ZNF678: variants seen among roughly 807,000 people sequenced by gnomAD.
ZNF678 encodes the protein zinc finger protein 678, also known as hypothetical protein MGC42493.
In ZNF678, 5 loss-of-function variants were observed where a neutral mutation model predicts 3.0. The observed-to-expected ratio is 1.69, with a 90% CI of 0.88 to 3.56. The LOEUF (loss-of-function observed/expected upper bound fraction) is 3.56. Ranked by LOEUF, ZNF678 falls within the 30% of genes most tolerant of loss-of-function variation. The pLI, the probability that ZNF678 is intolerant of heterozygous loss-of-function variation, is 0.00. For missense variants in ZNF678, 593 were observed against 605.0 expected, an observed-to-expected ratio of 0.98 and a Z score of 0.21; for synonymous variants, 218 against 199.6, an observed-to-expected ratio of 1.09 and a Z score of -0.78.
rs1056557939 is a variant in ZNF678 at position 227,604,204 on chromosome 1, C to T, written c.-164+40480C>T. On this transcript the variant is annotated intron_variant, in intron 1 of 3. Coordinates refer to ENST00000343776, the MANE Select transcript of ZNF678 (RefSeq NM_001367909.1). The stretch of plus-strand genomic sequence containing the variant: ...TTTGGGCACATGAGTGAGAGTGGAG[C>T]TGATGCACCAATATGGTAATTCCAT... Among the ~76,000 whole-genome samples, 6 of 152,176 alleles carry T rather than the reference C, an allele frequency of 3.9e-5. No homozygotes were observed. The South Asian group carries it at 1.2e-3, about 32-fold the overall frequency.
chr1:227,632,653 A>G (rs759603901), intron 1 of ZNF678, among the ~76,000 whole-genome samples: 3 of 152,128 alleles, frequency 2.0e-5, no homozygotes, highest in Non-Finnish European at 4.4e-5. Context: ...CTGAGTCTTG[A>G]GTCTGGCAGC....
downstream of ZNF678, among the ~76,000 whole-genome samples, chr1:227,679,348 A>T (rs576033046): frequency 6.6e-6 from 1 of 152,326 alleles, no homozygotes; most frequent in Non-Finnish European, 1.5e-5. Context: ...ATCCACAGGC[A>T]GACAGCCCAG....
intron 1 of ZNF678, among the ~76,000 whole-genome samples, chr1:227,592,960 T>C (rs1193596110): frequency 6.6e-6 from 1 of 152,222 alleles, no homozygotes. Flanking sequence ...ATTCTTAAGC[T>C]CATCACATCC....
intron 1 of ZNF678, among the ~76,000 whole-genome samples, chr1:227,627,843 A>G (rs1658454016): frequency 6.6e-6 from 1 of 152,212 alleles, no homozygotes; most frequent in African/African-American, 2.4e-5. Context: ...AGGAACTTCC[A>G]TCAGTATACA....
intron 1 of ZNF678, among the ~76,000 whole-genome samples, chr1:227,588,685 T>A (rs1657328191): frequency 6.6e-6 from 1 of 151,942 alleles, no homozygotes. Flanking sequence ...TTCTATTTTT[T>A]AATAGAGGCA....
rs573874485 is a variant in ZNF678 at position 227,578,792 on chromosome 1, G to A, written c.-164+15068G>A. The stretch of plus-strand genomic sequence containing the variant: ...GAACCCTTCTTGGAGAGGTGACACA[G>A]CCGTTTGGAGGAAAGAAAGCACTCT... On this transcript the variant is annotated intron_variant, in intron 1 of 3. Coordinates refer to ENST00000343776, the MANE Select transcript of ZNF678 (RefSeq NM_001367909.1). 1.2e-4 allele frequency among the ~76,000 whole-genome samples: 18 copies of A among 152,298 alleles called. No individual in the cohort carries two copies. In the East Asian group the frequency reaches 3.3e-3, roughly 28 times the overall value.
downstream of ZNF678, among the ~76,000 whole-genome samples, chr1:227,667,368 A>G (rs940479944): frequency 6.6e-6 from 1 of 152,158 alleles, no homozygotes; most frequent in East Asian, 1.9e-4. Flanking sequence ...GGTCTACTCT[A>G]TATCTCAGTC....
At chr1:227,625,662 T>TA (rs1003913954) in intron 1 of ZNF678, among the ~76,000 whole-genome samples, 2 of 152,142 alleles carry the variant, frequency 1.3e-5, no homozygotes, top group African/African-American at 4.8e-5. Context: ...AGGGTGGTAT[T>TA]AAATAGGCTT....
intron 1 of ZNF678, among the ~76,000 whole-genome samples, chr1:227,602,466 A>G (rs551844826): frequency 6.6e-6 from 1 of 152,208 alleles, no homozygotes; most frequent in South Asian, 2.1e-4. Flanking sequence ...GTAGTGTTTC[A>G]TCAGAGATTT....
intron 1 of ZNF678, among the ~76,000 whole-genome samples, chr1:227,592,721 A>T (rs1657448544): frequency 6.6e-6 from 1 of 152,202 alleles, no homozygotes; most frequent in Non-Finnish European, 1.5e-5. Context: ...GTTGCATCTA[A>T]ATAGATGTGA....
intron 3 of ZNF678, among the ~76,000 whole-genome samples, chr1:227,653,282 T>C (rs1659132024): frequency 6.6e-6 from 1 of 152,042 alleles, no homozygotes; most frequent in Non-Finnish European, 1.5e-5. Context: ...TTACATCTTA[T>C]GTATAAACAT....
intron 1 of ZNF678, among the ~76,000 whole-genome samples, chr1:227,627,398 G>T (rs1266501983): frequency 6.6e-6 from 1 of 151,952 alleles, no homozygotes; most frequent in African/African-American, 2.4e-5. Flanking sequence ...CTGTACTAGG[G>T]GTCCTTCTAT....
intron 1 of ZNF678, among the ~76,000 whole-genome samples, chr1:227,603,395 T>C (rs16847991): frequency 0.21 from 32,686 of 152,122 alleles, 3,927 homozygotes; most frequent in East Asian, 0.44. Context: ...TTACTTGTTT[T>C]ACTACCATAG....
In ZNF678 at chr1:227,625,454, G is replaced by A. The variant is rs376323483; in HGVS notation, c.-163-21090G>A. 5.2e-4 allele frequency among the ~76,000 whole-genome samples: 79 copies of A among 152,270 alleles called. 1 individual carries two copies. In the South Asian group the frequency reaches 0.015, roughly 28 times the overall value. On this transcript the variant is annotated intron_variant, in intron 1 of 3. Transcript: ENST00000343776. The stretch of plus-strand genomic sequence containing the variant: ...GGCTAGCAGGCCGGTCCAGGGGTCC[G>A]TGGTAGATCTTAGTCATGGACTGCA...
intron 5 of ZNF678, among the ~76,000 whole-genome samples, chr1:227,673,812 T>C (rs1166369430): frequency 6.6e-6 from 1 of 152,226 alleles, no homozygotes; most frequent in African/African-American, 2.4e-5. Context: ...ATTCCAGTTT[T>C]TCAAAAATTT....
At chr1:227,676,295 C>A (rs1043370098) in intron 5 of ZNF678, among the ~76,000 whole-genome samples, 5 of 152,136 alleles carry the variant, frequency 3.3e-5, no homozygotes, top group Non-Finnish European at 5.9e-5. Flanking sequence ...GAGGGACTCA[C>A]CCTTAAACTA....
downstream of ZNF678, among the ~76,000 whole-genome samples, chr1:227,664,264 T>C (rs1217435811): frequency 6.6e-6 from 1 of 152,184 alleles, no homozygotes; most frequent in Non-Finnish European, 1.5e-5. Context: ...GTTTGAAGTC[T>C]TGGGGTTCAC....
chr1:227,665,434 A>C (rs565510654), downstream of ZNF678, among the ~76,000 whole-genome samples: 2 of 152,330 alleles, frequency 1.3e-5, no homozygotes, highest in East Asian at 3.9e-4. Context: ...ACAGAATTCA[A>C]CAAAGACAAT....
In ZNF678 at chr1:227,571,072, T is replaced by C. The variant is rs141626448; in HGVS notation, c.-164+7348T>C. Reference sequence around the variant, plus strand: ...TTAGAAATGTGAGGCTATTATTTGCTTTTAAAGGCTGTATTACAGGTTATT... The same window carrying C: ...TTAGAAATGTGAGGCTATTATTTGCCTTTAAAGGCTGTATTACAGGTTATT... On this transcript the variant is annotated intron_variant, in intron 1 of 3. Coordinates refer to ENST00000343776, the MANE Select transcript of ZNF678 (RefSeq NM_001367909.1). Among the ~76,000 whole-genome samples, 1,058 of 152,330 alleles carry C rather than the reference T, an allele frequency of 6.9e-3. 8 individuals carry two copies. Among genetic ancestry groups the C allele is most frequent in the African/African-American group, 0.021 (868 of 41,574 alleles).
Sources: allele counts gnomAD v4.1 joint callset (sites outside exome capture counted in the v4.1 genomes callset), GRCh38; gene constraint gnomAD v4.1.1; transcripts MANE v1.5; gene names NCBI Gene and HGNC (gene_info 2026-07-23, HGNC 2026-07-21).